Variants in PLXNA4 observed in about 807,000 individuals in gnomAD.
PLXNA4 encodes the protein plexin-A4.
In PLXNA4, 44 loss-of-function variants were observed where a neutral mutation model predicts 191.8. The ratio of observed to expected loss-of-function variants is 0.23; its 90% CI spans 0.18 to 0.29. The LOEUF is 0.29. Ranked by LOEUF, PLXNA4 falls within the 10% of genes least tolerant of loss-of-function variation. PLXNA4 has a pLI of 1.00. For synonymous variants in PLXNA4, 1,082 were observed against 1,009.5 expected (o/e 1.07, Z -1.36); for missense variants, 1,800 against 2,488.8 (o/e 0.72, Z 5.89).
chr7:132,410,708 C>G (rs6948309), intron 3 of PLXNA4, among the ~76,000 whole-genome samples: 23,971 of 152,234 alleles, frequency 0.16, 3,832 homozygotes, highest in African/African-American at 0.4. Context: ...AATCACTCCC[C>G]TCCCCAAGGC....
At chr7:132,616,765 C>T (rs1186225174) in intron 2 of PLXNA4, among the ~76,000 whole-genome samples, 1 of 152,154 alleles carries the variant, frequency 6.6e-6, no homozygotes, top group East Asian at 1.9e-4. Context: ...CTGGAATATG[C>T]ACCTGTTTGA....
chr7:132,544,977 C>T (rs1043439738), intron 1 of PLXNA4, among the ~76,000 whole-genome samples: 1 of 152,202 alleles, frequency 6.6e-6, no homozygotes, highest in South Asian at 2.1e-4. Context: ...TACAGCCACA[C>T]CAGGCAAAGC....
At position 132,422,538 on chromosome 7, in the gene PLXNA4, G is replaced by A. The variant is rs550263259; in HGVS notation, c.1371+66754C>T. On this transcript the variant is annotated intron_variant, in intron 3 of 31. Transcript: ENST00000321063. ...AGCAGCCATGCTAATAGGGGCCATC[G>A]TAATTGTCCAGCAGTAATTCATCCA... Among the ~76,000 whole-genome samples the A allele has an allele frequency of 1.3e-3, 191 of 152,308 alleles. 3 individuals carry two copies. The highest frequency in any genetic ancestry group is 3.4e-3 in the Middle Eastern group (1 of 294).
At chr7:132,225,519 G>C (rs531601919) in intron 8 of PLXNA4, among the ~76,000 whole-genome samples, 1 of 152,206 alleles carries the variant, frequency 6.6e-6, no homozygotes, top group African/African-American at 2.4e-5. Context: ...TACAGAGCCA[G>C]AGCCTCGGCC....
intron 3 of PLXNA4, among the ~76,000 whole-genome samples, chr7:132,354,722 C>T (rs1347573146): frequency 6.6e-6 from 1 of 152,146 alleles, no homozygotes. Context: ...GCTCTAGCTC[C>T]TCCCTCCACT....
At chr7:132,635,170 T>TTA (rs3037811) in intron 2 of PLXNA4, among the ~76,000 whole-genome samples, 7,898 of 131,308 alleles carry the variant, frequency 0.06, 222 homozygotes, top group Non-Finnish European at 0.075. Flanking sequence ...AAACTCCCCT[T>TTA]TATATATATA....
chr7:132,227,358 C>T, intron 7 of PLXNA4, 93 bp downstream of exon 7: 1 of 1,523,364 alleles, frequency 6.6e-7, no homozygotes, highest in Non-Finnish European at 8.9e-7. Context: ...CTCCTGCCTG[C>T]AGGTTGCTTT....
At chr7:132,172,762 A>ATAAT (rs1044820375) in intron 21 of PLXNA4, among the ~76,000 whole-genome samples, 26 of 123,762 alleles carry the variant, frequency 2.1e-4, no homozygotes, top group Non-Finnish European at 4.6e-4. Context: ...TTAAAGTATA[A>ATAAT]TAATAATAAT....
At chr7:132,429,106 A>C (rs576426482) in intron 3 of PLXNA4, among the ~76,000 whole-genome samples, 41 of 152,314 alleles carry the variant, frequency 2.7e-4, no homozygotes, top group African/African-American at 9.6e-4. Context: ...TGTAGACTAC[A>C]GAACCACGTC....
chr7:132,219,073 G>C (rs1798059824), intron 9 of PLXNA4, among the ~76,000 whole-genome samples: 1 of 152,190 alleles, frequency 6.6e-6, no homozygotes, highest in African/African-American at 2.4e-5. Flanking sequence ...ATGGTGCCGG[G>C]TAGATGAAAA....
Position 132,203,444 on chromosome 7 carries a change from A to C in PLXNA4, c.2299-25T>G, listed in dbSNP as rs779837558. On this transcript the variant is annotated intron_variant, in intron 10 of 31. Coordinates refer to ENST00000321063, the MANE Select transcript of PLXNA4 (RefSeq NM_020911.2). ...ACTGCAGCCAGGTCGGGGAGGAGGAAAGAAGAAAGTGGGGTCACAGAGAGT... is the reference window on the plus strand; with the variant it reads ...ACTGCAGCCAGGTCGGGGAGGAGGACAGAAGAAAGTGGGGTCACAGAGAGT... 3 of 1,604,018 alleles carry C rather than the reference A, an allele frequency of 1.9e-6. No individual in the cohort carries two copies. In the South Asian group the frequency reaches 3.3e-5, roughly 18 times the overall value.
At chr7:132,608,732 C>T (rs1802989532) in intron 2 of PLXNA4, among the ~76,000 whole-genome samples, 1 of 152,186 alleles carries the variant, frequency 6.6e-6, no homozygotes, top group South Asian at 2.1e-4. Flanking sequence ...GTCTCCCTGC[C>T]TCCACTCTTG....
chr7:132,188,875 C>T (rs12671063), intron 14 of PLXNA4, among the ~76,000 whole-genome samples: 16,175 of 149,124 alleles, frequency 0.11, 1,183 homozygotes, highest in South Asian at 0.33. Context: ...TGGCAGTTCT[C>T]TTGTTCTGTA....
chr7:132,238,831 T>C (rs1475019966), intron 5 of PLXNA4, among the ~76,000 whole-genome samples: 1 of 151,672 alleles, frequency 6.6e-6, no homozygotes, highest in African/African-American at 2.4e-5. Flanking sequence ...GGGGCACCCA[T>C]GAGCTCACAG....
In PLXNA4 at chr7:132,270,187, C is replaced by T. The variant is rs575073382; in HGVS notation, c.1503+27904G>A. ...TAAATGCTTATTAATTTCCATACCACGTATGGAGAGAGCTGCCACATGTGA... is the reference window on the plus strand; with the variant it reads ...TAAATGCTTATTAATTTCCATACCATGTATGGAGAGAGCTGCCACATGTGA... On this transcript the variant is annotated intron_variant, in intron 4 of 31. Transcript: ENST00000321063. Among the ~76,000 whole-genome samples the T allele has an allele frequency of 9.2e-5, 14 of 152,252 alleles. No individual in the cohort carries two copies. The South Asian group carries it at 1.0e-3, about 11-fold the overall frequency.
intron 4 of PLXNA4, among the ~76,000 whole-genome samples, chr7:132,297,436 G>T (rs183555346): frequency 6.6e-6 from 1 of 152,188 alleles, no homozygotes; most frequent in East Asian, 1.9e-4. Context: ...CTGAGCTCAG[G>T]GACTCCAGAA....
At position 132,124,487 on chromosome 7, in the gene PLXNA4, G is replaced by A. The variant is rs1794716648; in HGVS notation, c.*5992C>T. On this transcript the variant is annotated 3_prime_UTR_variant, in exon 32 of 32. Transcript: ENST00000321063. Reference sequence around the variant, plus strand: ...TTTTAAATTCTACTTTTGTAAGGGAGCCCTTCCAAAATGTGCTTGAGTCAA... The same window carrying A: ...TTTTAAATTCTACTTTTGTAAGGGAACCCTTCCAAAATGTGCTTGAGTCAA... 6.6e-6 allele frequency: 1 copy of A among 152,204 alleles called. No individual in the cohort carries two copies. The highest frequency in any genetic ancestry group is 1.5e-5 in the Non-Finnish European group (1 of 68,038). The allele number at this position is 152,204 out of a possible 1,614,324, so 9.4% of individuals were successfully genotyped here.
chr7:132,135,714 A>G (rs1352447930), intron 30 of PLXNA4, among the ~76,000 whole-genome samples: 1 of 152,132 alleles, frequency 6.6e-6, no homozygotes, highest in African/African-American at 2.4e-5. Flanking sequence ...GAGGGCAGGG[A>G]GTTGAGAGTA....
At position 132,539,390 on chromosome 7, in the gene PLXNA4, G is replaced by A. The variant is rs80019920; in HGVS notation, c.-86-30611C>T. 7.0e-3 allele frequency among the ~76,000 whole-genome samples: 1,056 copies of A among 150,856 alleles called. 12 individuals are homozygous for A. Among genetic ancestry groups the A allele is most frequent in the African/African-American group, 0.024 (1,003 of 41,406 alleles). The stretch of plus-strand genomic sequence containing the variant: ...GAGGGCTCCAGTCAGTGGTTCTCAA[G>A]TTGCAATTGGTCCCCAGAGCAGCAA... On this transcript the variant is annotated intron_variant, in intron 1 of 31. Transcript: ENST00000321063.
Sources: allele counts gnomAD v4.1 joint callset (sites outside exome capture counted in the v4.1 genomes callset), GRCh38; gene constraint gnomAD v4.1.1; transcripts MANE v1.5; gene names NCBI Gene and HGNC (gene_info 2026-07-23, HGNC 2026-07-21).